CD6: variants seen among roughly 807,000 people sequenced by gnomAD.
CD6 encodes the protein T-cell differentiation antigen CD6.
CD6 carries 53 observed loss-of-function variants against 75.3 expected under a neutral mutation model. That is an observed-to-expected ratio of 0.70 (90% confidence interval 0.56 to 0.88). The LOEUF is 0.88. Ranked by LOEUF, CD6 falls within the 40% of genes least tolerant of loss-of-function variation. The probability of loss-of-function intolerance (pLI) is 0.00; values close to 1 mark genes in which losing one functional copy is unlikely to be tolerated. For missense variants in CD6, 770 were observed against 897.1 expected (o/e 0.86, Z 1.81); for synonymous variants, 359 against 381.5 (o/e 0.94, Z 0.69).
intron 8 of CD6, 60 bp downstream of exon 8, chr11:61,014,074 C>T (rs1217465255): frequency 7.6e-7 from 1 of 1,312,888 alleles, no homozygotes; most frequent in African/African-American, 1.5e-5. Context: ...GGTGAGCTTT[C>T]TGGAAGGTCA....
chr11:60,981,596 C>T (rs960831380), intron 1 of CD6, among the ~76,000 whole-genome samples: 2 of 152,196 alleles, frequency 1.3e-5, no homozygotes, highest in East Asian at 1.9e-4. Flanking sequence ...CAGATGTTGG[C>T]GGTGACATGC....
At chr11:60,983,165 C>G (rs897370796) in intron 1 of CD6, among the ~76,000 whole-genome samples, 1 of 151,034 alleles carries the variant, frequency 6.6e-6, no homozygotes, top group Non-Finnish European at 1.5e-5. Context: ...GTTGTGATCT[C>G]GGCTCACTGC....
Position 61,007,051 on chromosome 11 carries a change from G to A in CD6, c.118+409G>A, listed in dbSNP as rs1858895583. 6.6e-6 allele frequency among the ~76,000 whole-genome samples: 1 copy of A among 152,058 alleles called. No individual in the cohort carries two copies. ...GTGGTTCCCATAGAAGGGGTTCTGG[G>A]GAAGTGAGGACCACCATCAGCTGAA... On this transcript the variant is annotated intron_variant, in intron 2 of 12. Coordinates refer to ENST00000313421, the MANE Select transcript of CD6 (RefSeq NM_006725.5). The surrounding 1 kb of genome is among the most constrained non-coding windows in gnomAD (Gnocchi z 4.2).
Position 61,019,361 on chromosome 11 carries a change from G to T in CD6, c.*43G>T. On this transcript the variant is annotated 3_prime_UTR_variant, in exon 13 of 13. Coordinates refer to ENST00000313421, the MANE Select transcript of CD6 (RefSeq NM_006725.5). The stretch of plus-strand genomic sequence containing the variant: ...CTCCTGGGGTGGCTCTGACCCTCTG[G>T]CCTCCTGCTCTACCTACTCCCTTTC... 6.6e-7 allele frequency: 1 copy of T among 1,510,706 alleles called. No homozygotes were observed. The highest frequency in any genetic ancestry group is 1.1e-5 in the South Asian group (1 of 88,084). The allele number at this position is 1,510,706 out of a possible 1,614,324, so 93.6% of individuals were successfully genotyped here.
In CD6 at chr11:61,007,771, CG is replaced by C; in HGVS notation, c.333del (p.Asn112ThrfsTer4). On this transcript the variant is annotated frameshift_variant, in exon 3 of 13. Transcript: ENST00000313421. LOFTEE classifies it high-confidence loss of function. The surrounding 1 kb of genome is among the most constrained non-coding windows in gnomAD (Gnocchi z 4.2). The stretch of plus-strand genomic sequence containing the variant: ...CTGAGCTGCCGCCCCCGCCTGCAGC[CG>C]GGAACACCAGCGTAGCAGCTAATGC... ...TPELPPPPAAGNTSVAANATL... is the reference protein window; with the variant it reads ...TPELPPPPAAXNTSVAANATL... 6.8e-7 allele frequency: 1 copy of C among 1,467,808 alleles called. No individual in the cohort carries two copies. Among genetic ancestry groups the C allele is most frequent in the Non-Finnish European group, 9.0e-7 (1 of 1,109,666 alleles). 90.9% of individuals were successfully genotyped at this position (1,467,808 alleles called of 1,614,324 possible).
chr11:61,004,258 C>T lies in CD6; in HGVS notation c.50-2316C>T, dbSNP rs1338145285. ...CATATGCACACACCTCACAGTCATA[C>T]ACACTGCAGCCATCATTCAATCCCC... On this transcript the variant is annotated intron_variant, in intron 1 of 12. Coordinates refer to ENST00000313421, the MANE Select transcript of CD6 (RefSeq NM_006725.5). Among the ~76,000 whole-genome samples, 3 of 152,236 alleles carry T rather than the reference C, an allele frequency of 2.0e-5. 1 individual carries two copies. Among genetic ancestry groups the T allele is most frequent in the South Asian group, 4.1e-4 (2 of 4,822 alleles).
chr11:61,016,198 A>AT (rs929552962), intron 9 of CD6, among the ~76,000 whole-genome samples: 84 of 152,134 alleles, frequency 5.5e-4, no homozygotes, highest in African/African-American at 2.0e-3. Context: ...CGCATGCCAT[A>AT]TCCCTCCGTG....
chr11:61,006,203 A>G (rs1461814353), intron 1 of CD6, among the ~76,000 whole-genome samples: 2 of 152,326 alleles, frequency 1.3e-5, no homozygotes, highest in South Asian at 2.1e-4. Flanking sequence ...TCAGTCTCAC[A>G]ATATTTTCCT....
intron 1 of CD6, among the ~76,000 whole-genome samples, chr11:61,003,174 A>G (rs1385769901): frequency 1.3e-5 from 2 of 152,134 alleles, no homozygotes. Flanking sequence ...CATGTTGGCC[A>G]GGCTGGTCTC....
chr11:61,006,686 A>T, intron 2 of CD6, 44 bp downstream of exon 2: 1 of 1,502,840 alleles, frequency 6.7e-7, no homozygotes, highest in South Asian at 1.2e-5. Context: ...AGCTTTCTGT[A>T]GGTGGTCCCC....
intron 1 of CD6, among the ~76,000 whole-genome samples, chr11:60,999,935 C>T (rs1358451287): frequency 2.0e-5 from 3 of 151,876 alleles, no homozygotes; most frequent in Non-Finnish European, 4.4e-5. Context: ...CGCCTGTAAC[C>T]CCAGCTACTC....
intron 1 of CD6, among the ~76,000 whole-genome samples, chr11:60,991,567 C>T (rs970432264): frequency 1.3e-5 from 2 of 152,090 alleles, no homozygotes; most frequent in African/African-American, 2.4e-5. Context: ...TCATCTTTCA[C>T]GTATTTGCAG....
intron 1 of CD6, among the ~76,000 whole-genome samples, chr11:60,986,492 C>T (rs756657378): frequency 2.2e-4 from 34 of 152,220 alleles, no homozygotes; most frequent in Admixed American, 5.9e-4. Context: ...CTTTTGCGCT[C>T]TAGGTAGATG....
chr11:60,979,874 T>C (rs947291623), intron 1 of CD6, among the ~76,000 whole-genome samples: 8 of 152,180 alleles, frequency 5.3e-5, no homozygotes, highest in African/African-American at 1.7e-4. Context: ...GTTTATAGTG[T>C]TGTGGTAAGA....
At chr11:61,014,155 A>G in intron 8 of CD6, 141 bp downstream of exon 8, 1 of 610,756 alleles carries the variant, frequency 1.6e-6, no homozygotes, top group Non-Finnish European at 2.8e-6. Context: ...CGGCCCTGGG[A>G]CCTTGAGCAG....
intron 1 of CD6, among the ~76,000 whole-genome samples, chr11:60,984,174 C>T (rs1857699133): frequency 6.6e-6 from 1 of 152,148 alleles, no homozygotes; most frequent in Non-Finnish European, 1.5e-5. Context: ...ATGTAAATAT[C>T]TTACTCTTCC....
At chr11:61,006,778 C>T (rs764530610) in intron 2 of CD6, 136 bp downstream of exon 2, 8 of 697,750 alleles carry the variant, frequency 1.1e-5, no homozygotes, top group Non-Finnish European at 1.8e-5. Context: ...CCTGACCCAT[C>T]ACCTGAAGTT....
At chr11:60,984,578 C>T (rs944565937) in intron 1 of CD6, among the ~76,000 whole-genome samples, 4 of 152,154 alleles carry the variant, frequency 2.6e-5, no homozygotes, top group African/African-American at 4.8e-5. Flanking sequence ...GACAAAGTCC[C>T]GGTCTTCAAG....
chr11:61,019,930 C>T lies in CD6; in HGVS notation c.*612C>T, dbSNP rs892542482. ...CCTGGGCACAACTAGCTGACAATGACAGGTTGACTGTGTACCCCCAACCAA... is the reference window on the plus strand; with the variant it reads ...CCTGGGCACAACTAGCTGACAATGATAGGTTGACTGTGTACCCCCAACCAA... On this transcript the variant is annotated 3_prime_UTR_variant, in exon 13 of 13. Transcript: ENST00000313421. 1.3e-5 allele frequency: 5 copies of T among 390,796 alleles called. No homozygotes were observed. The highest frequency in any genetic ancestry group is 2.3e-5 in the Non-Finnish European group (5 of 221,780). The allele number at this position is 390,796 out of a possible 1,614,324, so 24.2% of individuals were successfully genotyped here.
Sources: allele counts gnomAD v4.1 joint callset (sites outside exome capture counted in the v4.1 genomes callset), GRCh38; gene constraint gnomAD v4.1.1; non-coding constraint Gnocchi (gnomAD v3.1); transcripts MANE v1.5; gene names NCBI Gene and HGNC (gene_info 2026-07-23, HGNC 2026-07-21).